The following SMARCA2 variants were observed in gnomAD, a reference collection of about 807,000 sequenced individuals.
SMARCA2 encodes the protein SWI/SNF related BAF chromatin remodeling complex subunit ATPase 2, also known as SWI/SNF-related matrix-associated actin-dependent regulator of chromatin subfamily A member 2.
A neutral mutation model predicts 199.8 loss-of-function variants in SMARCA2; 61 were observed. The observed-to-expected ratio is 0.31, with a 90% CI of 0.25 to 0.38. The LOEUF is 0.38. Among genes scored for constraint, SMARCA2 ranks in the 10% least tolerant of loss-of-function variants. The pLI is 1.00. For missense variants in SMARCA2, 1,344 were observed against 2,012.2 expected, an observed-to-expected ratio of 0.67 and a Z score of 6.35; for synonymous variants, 935 against 732.0, an observed-to-expected ratio of 1.28 and a Z score of -4.48.
chr9:2,021,219 AGTT>A (rs1818586183), intron 1 of SMARCA2, among the ~76,000 whole-genome samples: 1 of 152,206 alleles, frequency 6.6e-6, no homozygotes, highest in African/African-American at 2.4e-5. Context: ...CCCTTTTGTA[AGTT>A]GATGAATGGG....
At position 2,176,182 on chromosome 9, in the gene SMARCA2, G is replaced by GTTTTTT. The variant is rs56186732; in HGVS notation, c.4254-5373_4254-5368dup. On this transcript the variant is annotated intron_variant, in intron 29 of 33. Transcript: ENST00000349721. Reference sequence around the variant, plus strand: ...AGGCATGAGCCACCGCGCCCGGCCTGTTTTTTTTTTTTTTTTTTTTTATAA... The same window carrying GTTTTTT: ...AGGCATGAGCCACCGCGCCCGGCCTGTTTTTTTTTTTTTTTTTTTTTTTTTTTATAA... 2.2e-4 allele frequency among the ~76,000 whole-genome samples: 23 copies of GTTTTTT among 104,136 alleles called. 1 individual carries two copies. The highest frequency in any genetic ancestry group is 7.1e-4 in the African/African-American group (19 of 26,864). 68.3% of individuals were successfully genotyped at this position (104,136 alleles called of 152,430 possible).
In SMARCA2 at chr9:2,123,600, G is replaced by T; in HGVS notation, c.3763-119G>T. ...AGCTAGAACAAGCCAACCAGGATGA[G>T]AGAGGTTGAAAGGGACCCTGCAGCC... On this transcript the variant is annotated intron_variant, in intron 26 of 33. Coordinates refer to ENST00000349721, the MANE Select transcript of SMARCA2 (RefSeq NM_003070.5). This position sits in a 1 kb window ranked among gnomAD's most constrained non-coding sequence, Gnocchi z 4.1. The T allele has an allele frequency of 1.2e-6, 1 of 832,786 alleles. No individual in the cohort carries two copies. Among genetic ancestry groups the T allele is most frequent in the East Asian group, 2.6e-5 (1 of 38,026 alleles). 51.6% of individuals were successfully genotyped at this position (832,786 alleles called of 1,614,324 possible).
intron 32 of SMARCA2, among the ~76,000 whole-genome samples, chr9:2,189,386 A>G (rs188640880): frequency 1.3e-5 from 2 of 151,880 alleles, no homozygotes; most frequent in East Asian, 3.9e-4. Flanking sequence ...AGTGCGCCAC[A>G]CTCCAAGGCA....
chr9:2,022,417 C>T (rs773901539), intron 1 of SMARCA2, among the ~76,000 whole-genome samples: 5 of 152,118 alleles, frequency 3.3e-5, no homozygotes, highest in East Asian at 1.9e-4. Flanking sequence ...TAAATGAACT[C>T]ATTTGTTGAT....
chr9:2,035,008 C>CTTTATTTATTTATTTA (rs3057853), intron 3 of SMARCA2, among the ~76,000 whole-genome samples: 3 of 143,030 alleles, frequency 2.1e-5, no homozygotes, highest in Non-Finnish European at 3.1e-5. Context: ...TAATATAAGC[C>CTTTATTTATTTATTTA]TTTATTTATT....
intron 5 of SMARCA2, among the ~76,000 whole-genome samples, chr9:2,049,739 A>G (rs1469779071): frequency 6.6e-6 from 1 of 152,234 alleles, no homozygotes. Context: ...AACTGCAGAG[A>G]TTAAATTTAT....
In SMARCA2 at chr9:2,183,969, G is replaced by A. The variant is rs192786878; in HGVS notation, c.4461+1727G>A. 2.0e-5 allele frequency among the ~76,000 whole-genome samples: 3 copies of A among 152,190 alleles called. No homozygotes were observed. The East Asian group carries it at 5.8e-4, about 29-fold the overall frequency. ...CTGACTGTCTCACAACTGAAATAAG[G>A]TGTCAAGTGGCCTCTTGACTGGTTT... On this transcript the variant is annotated intron_variant, in intron 31 of 33. Coordinates refer to ENST00000349721, the MANE Select transcript of SMARCA2 (RefSeq NM_003070.5).
chr9:2,145,698 C>G (rs888447330), intron 27 of SMARCA2, among the ~76,000 whole-genome samples: 1 of 152,220 alleles, frequency 6.6e-6, no homozygotes, highest in African/African-American at 2.4e-5. Flanking sequence ...TATCTAAGAG[C>G]AGTTTTCCCA....
chr9:2,158,934 G>A, intron 27 of SMARCA2: 1 of 1,611,522 alleles, frequency 6.2e-7, no homozygotes, highest in Non-Finnish European at 8.5e-7. Flanking sequence ...ATGTTTTGTA[G>A]CTCTCTGCAT....
At chr9:2,147,440 C>T (rs1395591909) in intron 27 of SMARCA2, among the ~76,000 whole-genome samples, 1 of 152,186 alleles carries the variant, frequency 6.6e-6, no homozygotes, top group African/African-American at 2.4e-5. Flanking sequence ...CTGTTTGCCA[C>T]ATCTTTCATT....
intron 27 of SMARCA2, among the ~76,000 whole-genome samples, chr9:2,132,443 C>T (rs1391192168): frequency 6.6e-6 from 1 of 151,948 alleles, no homozygotes. Flanking sequence ...TTTACACTGG[C>T]AAGATTTTTT....
At position 2,186,812 on chromosome 9, in the gene SMARCA2, C is replaced by T. The variant is rs553950952; in HGVS notation, c.4594+584C>T. On this transcript the variant is annotated intron_variant, in intron 32 of 33. Transcript: ENST00000349721. ...AAGTGCTGGGATTATAGGCACAAGCCGCCACACCTGACCTGCAAACACTTT... is the reference window on the plus strand; with the variant it reads ...AAGTGCTGGGATTATAGGCACAAGCTGCCACACCTGACCTGCAAACACTTT... 3.3e-5 allele frequency among the ~76,000 whole-genome samples: 5 copies of T among 152,180 alleles called. 1 individual carries two copies. Among genetic ancestry groups the T allele is most frequent in the East Asian group, 3.9e-4 (2 of 5,184 alleles).
chr9:2,183,280 A>G lies in SMARCA2; in HGVS notation c.4461+1038A>G, dbSNP rs1025281308. ...TTTAAGACAAAACAAACTATAGGAA[A>G]AAAAGAAACACTGCCTCTAATTGCT... On this transcript the variant is annotated intron_variant, in intron 31 of 33. Coordinates refer to ENST00000349721, the MANE Select transcript of SMARCA2 (RefSeq NM_003070.5). Among the ~76,000 whole-genome samples, 7 of 152,366 alleles carry G rather than the reference A, an allele frequency of 4.6e-5. No individual in the cohort carries two copies. The East Asian group carries it at 1.4e-3, about 29-fold the overall frequency.
At chr9:2,136,236 G>C (rs1824191051) in intron 27 of SMARCA2, among the ~76,000 whole-genome samples, 1 of 149,070 alleles carries the variant, frequency 6.7e-6, no homozygotes, top group African/African-American at 2.5e-5. Context: ...TGCCCCGGCT[G>C]GAGTGCAGTG....
At chr9:2,079,858 A>G (rs1012947576) in intron 14 of SMARCA2, 1 of 152,240 alleles carries the variant, frequency 6.6e-6, no homozygotes, top group Admixed American at 6.5e-5. Flanking sequence ...TTCTTCTGTC[A>G]TCCAACACCC....
intron 27 of SMARCA2, among the ~76,000 whole-genome samples, chr9:2,143,604 C>A (rs1824571011): frequency 6.6e-6 from 1 of 152,126 alleles, no homozygotes; most frequent in South Asian, 2.1e-4. Context: ...TGAACTATTT[C>A]AGAGGTAAAC....
chr9:2,147,554 A>G (rs567917780), intron 27 of SMARCA2, among the ~76,000 whole-genome samples: 1 of 152,312 alleles, frequency 6.6e-6, no homozygotes, highest in South Asian at 2.1e-4. Context: ...TAGGATTTCC[A>G]GTTTTGGTGT....
At chr9:2,026,654 C>T (rs1345663210) in intron 1 of SMARCA2, among the ~76,000 whole-genome samples, 1 of 152,044 alleles carries the variant, frequency 6.6e-6, no homozygotes, top group East Asian at 1.9e-4. Flanking sequence ...ACTTTAATAC[C>T]TATTGAAGCT....
intron 27 of SMARCA2, among the ~76,000 whole-genome samples, chr9:2,145,718 A>G (rs966415665): frequency 6.6e-6 from 1 of 152,252 alleles, no homozygotes; most frequent in African/African-American, 2.4e-5. Flanking sequence ...AGGGAACCCT[A>G]TCTAAAAGTT....
Sources: gnomAD v4.1 joint callset for allele counts (sites outside exome capture counted in the v4.1 genomes callset) on GRCh38, gnomAD v4.1.1 for gene constraint, Gnocchi (gnomAD v3.1) non-coding constraint, MANE v1.5 for transcripts, NCBI Gene and HGNC (gene_info 2026-07-23, HGNC 2026-07-21) for gene names.